The following CACNA1E variants were observed in gnomAD, a reference collection of about 807,000 sequenced individuals.
CACNA1E encodes calcium voltage-gated channel subunit alpha1 E, also known as voltage-dependent R-type calcium channel subunit alpha-1E.
In CACNA1E, 40 loss-of-function variants were observed where a neutral mutation model predicts 259.2. That is an observed-to-expected ratio of 0.15 (90% confidence interval 0.12 to 0.20). CACNA1E has a LOEUF of 0.20. Among genes scored for constraint, CACNA1E ranks in the 10% least tolerant of loss-of-function variants. CACNA1E has a pLI of 1.00. For synonymous variants in CACNA1E, 1,104 were observed against 1,138.5 expected (o/e 0.97, Z 0.61); for missense variants, 1,874 against 3,040.1 (o/e 0.62, Z 9.02).
chr1:181,751,437 G>C (rs1301609333), intron 26 of CACNA1E, among the ~76,000 whole-genome samples: 1 of 152,204 alleles, frequency 6.6e-6, no homozygotes, highest in Non-Finnish European at 1.5e-5. Context: ...CATCTGCAAT[G>C]GAAGGGACTG....
chr1:181,653,061 T>A (rs1658900064), intron 7 of CACNA1E, among the ~76,000 whole-genome samples: 1 of 152,158 alleles, frequency 6.6e-6, no homozygotes, highest in Admixed American at 6.5e-5. Context: ...AACAGGTTCC[T>A]ACCTCATCAC....
At position 181,503,260 on chromosome 1, in the gene CACNA1E, C is replaced by T. The variant is rs141205640; in HGVS notation, c.267-7217C>T. On this transcript the variant is annotated intron_variant, in intron 1 of 47. Coordinates refer to ENST00000367573, the MANE Select transcript of CACNA1E (RefSeq NM_001205293.3). ...TCAGACGAGGGTCATATGATCTCACCAGCATGATCTCACTGCATTTCCATC... is the reference window on the plus strand; with the variant it reads ...TCAGACGAGGGTCATATGATCTCACTAGCATGATCTCACTGCATTTCCATC... Among the ~76,000 whole-genome samples, 471 of 152,352 alleles carry T rather than the reference C, an allele frequency of 3.1e-3. 3 individuals carry two copies. The highest frequency in any genetic ancestry group is 0.01 in the African/African-American group (431 of 41,582).
chr1:181,518,989 T>G (rs1264695973), intron 3 of CACNA1E, among the ~76,000 whole-genome samples: 2 of 152,106 alleles, frequency 1.3e-5, no homozygotes, highest in African/African-American at 2.4e-5. Context: ...TCACTCAGGG[T>G]GATACAGGGA....
At chr1:181,510,431 C>G (rs1293322103) in intron 1 of CACNA1E, 46 bp from the exon 2 acceptor site, 4 of 1,293,734 alleles carry the variant, frequency 3.1e-6, no homozygotes, top group Non-Finnish European at 4.5e-6. Context: ...ATCTTGGAGG[C>G]TGTGTCCCTC....
At chr1:181,525,157 G>A (rs969635017) in intron 3 of CACNA1E, among the ~76,000 whole-genome samples, 1 of 152,158 alleles carries the variant, frequency 6.6e-6, no homozygotes, top group African/African-American at 2.4e-5. Context: ...GAAAAAACTG[G>A]GAATAAATGT....
At chr1:181,772,741 C>T (rs1659630128) in intron 37 of CACNA1E, among the ~76,000 whole-genome samples, 1 of 152,122 alleles carries the variant, frequency 6.6e-6, no homozygotes, top group African/African-American at 2.4e-5. Context: ...ATGTGGTTCT[C>T]TCTTGACTTG....
intron 3 of CACNA1E, among the ~76,000 whole-genome samples, chr1:181,554,703 C>T (rs146042615): frequency 1.8e-4 from 28 of 152,284 alleles, no homozygotes; most frequent in African/African-American, 6.5e-4. Flanking sequence ...TGTGTACTGA[C>T]GTACGGCTGA....
At chr1:181,593,840 G>A (rs1331321533) in intron 6 of CACNA1E, among the ~76,000 whole-genome samples, 1 of 152,146 alleles carries the variant, frequency 6.6e-6, no homozygotes, top group Non-Finnish European at 1.5e-5. Flanking sequence ...CCTGGCCAAG[G>A]ACATCTTAAC....
intron 7 of CACNA1E, among the ~76,000 whole-genome samples, chr1:181,689,566 C>T (rs1650930339): frequency 6.6e-6 from 1 of 152,190 alleles, no homozygotes; most frequent in Non-Finnish European, 1.5e-5. Flanking sequence ...CTGTCTTCCA[C>T]AAGAATTGAA....
chr1:181,703,735 G>C (rs545097163), intron 7 of CACNA1E, among the ~76,000 whole-genome samples: 1 of 152,138 alleles, frequency 6.6e-6, no homozygotes, highest in Non-Finnish European at 1.5e-5. Flanking sequence ...TAGGTCTGCC[G>C]CCACCGCCCT....
At chr1:181,772,011 A>C in intron 36 of CACNA1E, 55 bp from the exon 37 acceptor site, 1 of 1,539,306 alleles carries the variant, frequency 6.5e-7, no homozygotes, top group Non-Finnish European at 8.9e-7. Flanking sequence ...AGGACCAAGA[A>C]TATGATAGGA....
chr1:181,643,920 G>T (rs1004674632), intron 6 of CACNA1E, among the ~76,000 whole-genome samples: 2 of 152,308 alleles, frequency 1.3e-5, no homozygotes, highest in Middle Eastern at 3.4e-3. Flanking sequence ...GATTGTTTGT[G>T]TGGGGAGACT....
At chr1:181,391,897 GTCTCTCTCTCTGTCTT>G (rs1656307107) in intron 1 of CACNA1E, among the ~76,000 whole-genome samples, 2 of 149,910 alleles carry the variant, frequency 1.3e-5, no homozygotes, top group Admixed American at 1.3e-4. Context: ...CTCTGTCTCT[GTCTCTCTCTCTGTCTT>G]TCTCTCTCTC....
chr1:181,431,164 G>T (rs1659690022), intron 2 of CACNA1E, among the ~76,000 whole-genome samples: 1 of 152,066 alleles, frequency 6.6e-6, no homozygotes, highest in African/African-American at 2.4e-5. Context: ...AGGTAAATTG[G>T]AGCTCTGCTT....
intron 7 of CACNA1E, among the ~76,000 whole-genome samples, chr1:181,682,190 G>C (rs1214129132): frequency 6.6e-6 from 1 of 152,146 alleles, no homozygotes; most frequent in Admixed American, 6.5e-5. Context: ...AGTGCCTCTT[G>C]CCTGGTCAAG....
intron 3 of CACNA1E, among the ~76,000 whole-genome samples, chr1:181,548,375 G>A (rs140244252): frequency 6.6e-6 from 1 of 152,064 alleles, no homozygotes; most frequent in Non-Finnish European, 1.5e-5. Flanking sequence ...ATCCACCTGC[G>A]TTGGCCTCCC....
Position 181,461,711 on chromosome 1 carries a change from C to A in CACNA1E, c.435-22033C>A, listed in dbSNP as rs142514214. On this transcript the variant is annotated intron_variant, in intron 2 of 11. Coordinates refer to the CACNA1E transcript ENST00000524607. Reference sequence around the variant, plus strand: ...AAATACCAGCTCTTGCAGAATAAATCATCAATTTCTGAGGGTGGCTGATGT... The same window carrying A: ...AAATACCAGCTCTTGCAGAATAAATAATCAATTTCTGAGGGTGGCTGATGT... Among the ~76,000 whole-genome samples, 396 of 152,068 alleles carry A rather than the reference C, an allele frequency of 2.6e-3. 4 individuals carry two copies. Among genetic ancestry groups the A allele is most frequent in the African/African-American group, 8.7e-3 (362 of 41,480 alleles).
chr1:181,504,280 C>T (rs535045862), intron 1 of CACNA1E, among the ~76,000 whole-genome samples: 1 of 152,088 alleles, frequency 6.6e-6, no homozygotes, highest in Admixed American at 6.5e-5. Context: ...TCTTCTATAC[C>T]CCCCCAGGAG....
At chr1:181,450,904 A>G (rs926593566) in intron 2 of CACNA1E, among the ~76,000 whole-genome samples, 1 of 152,220 alleles carries the variant, frequency 6.6e-6, no homozygotes, top group Non-Finnish European at 1.5e-5. Context: ...GTGAATCTGA[A>G]AGATATTTAG....
Sources: allele counts gnomAD v4.1 joint callset (sites outside exome capture counted in the v4.1 genomes callset), GRCh38; gene constraint gnomAD v4.1.1; transcripts MANE v1.5; gene names NCBI Gene and HGNC (gene_info 2026-07-23, HGNC 2026-07-21).